Variants in MS4A15 observed in about 807,000 individuals in gnomAD.
MS4A15 encodes membrane-spanning 4-domains subfamily A member 15.
MS4A15 carries 22 observed loss-of-function variants against 20.6 expected under a neutral mutation model. The ratio of observed to expected loss-of-function variants is 1.07; its 90% CI spans 0.76 to 1.52. The LOEUF is 1.52. Among genes scored for constraint, MS4A15 ranks in the 40% most tolerant of loss-of-function variants. MS4A15 has a pLI of 0.00. For synonymous variants in MS4A15, 129 were observed against 129.3 expected (o/e 1.00, Z 0.02); for missense variants, 312 against 323.0 (o/e 0.97, Z 0.26).
intron 1 of MS4A15, among the ~76,000 whole-genome samples, chr11:60,762,086 T>G (rs977636695): frequency 4.6e-5 from 7 of 152,236 alleles, no homozygotes; most frequent in African/African-American, 1.4e-4. Context: ...TTTAATTGCT[T>G]TTTTAGTCTC....
chr11:60,766,492 C>T (rs905002552), intron 2 of MS4A15, among the ~76,000 whole-genome samples: 3 of 152,190 alleles, frequency 2.0e-5, no homozygotes, highest in Admixed American at 2.0e-4. Flanking sequence ...ATTCAATAAG[C>T]GGCAGCTGGT....
intron 6 of MS4A15, 112 bp from the exon 7 acceptor site, chr11:60,775,493 C>G (rs542526418): frequency 8.8e-6 from 7 of 794,412 alleles, no homozygotes; most frequent in African/African-American, 5.1e-5. Flanking sequence ...TTCAGACTTG[C>G]GGAATTCAGT....
intron 4 of MS4A15, chr11:60,771,851 T>C: frequency 9.9e-7 from 1 of 1,012,798 alleles, no homozygotes; most frequent in Non-Finnish European, 1.3e-6. Flanking sequence ...CTGCAGGCAC[T>C]GGGAGGCGAT....
In MS4A15 at chr11:60,767,638, T is replaced by C; in HGVS notation, c.331T>C (p.Phe111Leu). Reference sequence around the variant, plus strand: ...CTTCTTCATCGAGGGCGGCGTCCCCTTCTGGGGAGGAGCCTGCGTGAGTGC... The same window carrying C: ...CTTCTTCATCGAGGGCGGCGTCCCCCTCTGGGGAGGAGCCTGCGTGAGTGC... ...GIFFIEGGVP[F>L]WGGACFIISG... The change falls in exon 3 of 7, where the codon TTC becomes CTC. Residue 111 changes from phenylalanine to leucine, a missense_variant. Physicochemically the swap from Phe to Leu is conservative, Grantham distance 22 (BLOSUM62 0). Transcript: ENST00000405633. 1.3e-6 allele frequency: 2 copies of C among 1,553,982 alleles called. No individual in the cohort carries two copies. The highest frequency in any genetic ancestry group is 1.7e-6 in the Non-Finnish European group (2 of 1,148,352).
intron 3 of MS4A15, among the ~76,000 whole-genome samples, chr11:60,770,532 A>T (rs954361374): frequency 6.1e-5 from 9 of 147,858 alleles, no homozygotes; most frequent in Non-Finnish European, 8.9e-5. Flanking sequence ...CGGGAGGCGG[A>T]GGTTGCAGTG....
intron 4 of MS4A15, 185 bp downstream of exon 4, chr11:60,771,532 A>C (rs1193164754): frequency 2.0e-6 from 3 of 1,533,826 alleles, no homozygotes; most frequent in African/African-American, 1.4e-5. Flanking sequence ...CAGGAGAAGA[A>C]GACAGGGATA....
At position 60,763,467 on chromosome 11, in the gene MS4A15, G is replaced by A. The variant is rs191670471; in HGVS notation, c.-28-239G>A. 7.9e-5 allele frequency among the ~76,000 whole-genome samples: 12 copies of A among 152,282 alleles called. 1 individual carries two copies. In the East Asian group the frequency reaches 1.5e-3, roughly 20 times the overall value. On this transcript the variant is annotated intron_variant, in intron 1 of 6. Transcript: ENST00000405633. ...CCACATAATATAGCTCAGAGATTAA[G>A]AGCAAGGCCTCTGAAACCAGAGAGA...
chr11:60,767,711 C>G (rs1853920633), intron 3 of MS4A15, 56 bp downstream of exon 3: 3 of 1,469,392 alleles, frequency 2.0e-6, no homozygotes, highest in South Asian at 1.4e-5. Context: ...AGGCTCACCT[C>G]TCCCCCACGC....
At chr11:60,762,156 C>T (rs1335707063) in intron 1 of MS4A15, among the ~76,000 whole-genome samples, 1 of 152,222 alleles carries the variant, frequency 6.6e-6, no homozygotes, top group East Asian at 1.9e-4. Context: ...AAAATCTATT[C>T]ACACAGCTTC....
At chr11:60,763,666 A>G (rs1590976635) in intron 1 of MS4A15, 40 bp from the exon 2 acceptor site, 1 of 1,550,904 alleles carries the variant, frequency 6.4e-7, no homozygotes. Flanking sequence ...AGCTTTATGC[A>G]CATGGGTGAC....
chr11:60,773,685 A>G, intron 5 of MS4A15, 152 bp from the exon 6 acceptor site: 3 of 783,548 alleles, frequency 3.8e-6, no homozygotes, highest in Non-Finnish European at 6.6e-6. Context: ...TGCAGGGTGA[A>G]GGGGAGGGTG....
At chr11:60,767,481 G>A in intron 2 of MS4A15, 52 bp from the exon 3 acceptor site, 2 of 1,421,570 alleles carry the variant, frequency 1.4e-6, no homozygotes, top group Non-Finnish European at 9.3e-7. Flanking sequence ...GGGGCCGGCA[G>A]GGGGCGGTGT....
rs190363118 is a variant in MS4A15 at position 60,759,951 on chromosome 11, G to A, written c.-29+2893G>A. On this transcript the variant is annotated intron_variant, in intron 1 of 6. Transcript: ENST00000405633. ...TAATCAATAAACCCTGAGGGAACTCGGAGACCGGCGCCGGTGCAGTTCCTC... is the reference window on the plus strand; with the variant it reads ...TAATCAATAAACCCTGAGGGAACTCAGAGACCGGCGCCGGTGCAGTTCCTC... Among the ~76,000 whole-genome samples, 302 of 152,234 alleles carry A rather than the reference G, an allele frequency of 2.0e-3. 1 individual carries two copies. Among genetic ancestry groups the A allele is most frequent in the African/African-American group, 5.7e-3 (235 of 41,532 alleles).
rs868095180 is a variant in MS4A15, at chr11:60,775,692, G to A, written c.700G>A (p.Ala234Thr). Residue 234 changes from alanine to threonine, a missense_variant, in exon 7 of 7, where the codon GCA becomes ACA. Transcript: ENST00000405633. ...ASAPPAYDNV[A>T]YAQGVV Reference sequence around the variant, plus strand: ...TGCGCCCCCTGCCTATGACAATGTGGCATATGCCCAAGGAGTCGTCTGAGT... The same window carrying A: ...TGCGCCCCCTGCCTATGACAATGTGACATATGCCCAAGGAGTCGTCTGAGT... 1 of 1,613,726 alleles carries A rather than the reference G, an allele frequency of 6.2e-7. No homozygotes were observed. Among genetic ancestry groups the A allele is most frequent in the African/African-American group, 1.3e-5 (1 of 75,052 alleles).
At chr11:60,768,260 A>G (rs1205836003) in intron 3 of MS4A15, among the ~76,000 whole-genome samples, 1 of 152,080 alleles carries the variant, frequency 6.6e-6, no homozygotes. Flanking sequence ...CCCAGATCCT[A>G]AGCCTCACCC....
intron 4 of MS4A15, chr11:60,771,754 C>T: frequency 8.2e-7 from 1 of 1,223,766 alleles, no homozygotes; most frequent in Non-Finnish European, 1.0e-6. Context: ...CCAACGAAGG[C>T]AAAGGTAGGA....
intron 4 of MS4A15, 176 bp downstream of exon 4, chr11:60,771,523 A>G (rs910386792): frequency 6.5e-7 from 1 of 1,534,876 alleles, no homozygotes; most frequent in South Asian, 1.2e-5. Flanking sequence ...GTGCATGTCC[A>G]GGAGAAGAAG....
chr11:60,771,180 G>A (rs758489576), intron 3 of MS4A15, 111 bp from the exon 4 acceptor site: 60 of 1,217,700 alleles, frequency 4.9e-5, no homozygotes, highest in Non-Finnish European at 6.7e-5. Context: ...CAGAGAAAGT[G>A]GCATCAGGAG....
intron 2 of MS4A15, 86 bp from the exon 3 acceptor site, chr11:60,767,447 G>C: frequency 7.2e-7 from 1 of 1,383,752 alleles, no homozygotes; most frequent in Non-Finnish European, 9.4e-7. Flanking sequence ...GCGGGAGGAG[G>C]GCGGGGCCAG....
Sources: gnomAD v4.1 joint callset for allele counts (sites outside exome capture counted in the v4.1 genomes callset) on GRCh38, gnomAD v4.1.1 for gene constraint, MANE v1.5 for transcripts, NCBI Gene and HGNC (gene_info 2026-07-23, HGNC 2026-07-21) for gene names.